ZNF25: variants seen among roughly 807,000 people sequenced by gnomAD.
The protein encoded by ZNF25 is zinc finger protein 25 (KOX 19).
Under a neutral mutation model 30.9 loss-of-function variants are expected in ZNF25, and 21 were observed. The observed-to-expected ratio is 0.68, with a 90% CI of 0.48 to 0.98. ZNF25 has a LOEUF of 0.98. Ranked by LOEUF, ZNF25 falls within the 50% of genes least tolerant of loss-of-function variation. The pLI is 0.00. For synonymous variants in ZNF25, 169 were observed against 181.3 expected (o/e 0.93, Z 0.55); for missense variants, 501 against 529.9 (o/e 0.95, Z 0.54).
At chr10:37,972,121 G>C (rs2063524268) in intron 1 of ZNF25, among the ~76,000 whole-genome samples, 2 of 152,238 alleles carry the variant, frequency 1.3e-5, no homozygotes, top group South Asian at 4.2e-4. Context: ...GCTGACACTA[G>C]AAATGATGTT....
chr10:37,971,579 A>G (rs2063489523), intron 2 of ZNF25, 129 bp downstream of exon 2: 3 of 1,475,326 alleles, frequency 2.0e-6, no homozygotes, highest in Non-Finnish European at 2.8e-6. Context: ...ATTTTTAACT[A>G]TTTCTACGTT....
rs2062248051 is a variant in ZNF25, at chr10:37,952,839, T to C, written c.659A>G (p.His220Arg). 2 of 1,614,190 alleles carry C rather than the reference T, an allele frequency of 1.2e-6. No individual in the cohort carries two copies. Among genetic ancestry groups the C allele is most frequent in the Non-Finnish European group, 1.7e-6 (2 of 1,180,012 alleles). The change falls in exon 6 of 6, where the codon CAT (histidine) becomes CGT (arginine). Residue 220 changes from histidine to arginine, a missense_variant. By Grantham distance (29) the His-to-Arg change is conservative. Coordinates refer to ENST00000302609, the MANE Select transcript of ZNF25 (RefSeq NM_145011.4). Reference sequence around the variant, plus strand: ...TTTCTCCCCTGTGTGTGTTTTCTGATGTTCTGTGAGATGTGGTTTCTGGTA... The same window carrying C: ...TTTCTCCCCTGTGTGTGTTTTCTGACGTTCTGTGAGATGTGGTTTCTGGTA... ...SFYQKPHLTE[H>R]QKTHTGEKPF...
chr10:37,973,596 C>CA (rs143239470), intron 1 of ZNF25, among the ~76,000 whole-genome samples: 68,948 of 129,858 alleles, frequency 0.53, 17,621 homozygotes, highest in East Asian at 0.6. Flanking sequence ...GCCCTTGTCT[C>CA]AAAAAAAAAA....
chr10:37,950,098 C>G lies in ZNF25; in HGVS notation c.*2029G>C, dbSNP rs145158076. ...CTGAAACATGAAATACTTATAAAAG[C>G]GTAACTCTACATTGCTTTTATTTTC... is the stretch of plus-strand genomic sequence containing the variant. On this transcript the variant is annotated 3_prime_UTR_variant, in exon 6 of 6. Transcript: ENST00000302609. The G allele has an allele frequency of 2.6e-5, 4 of 152,520 alleles. No individual in the cohort carries two copies. Among genetic ancestry groups the G allele is most frequent in the Non-Finnish European group, 4.4e-5 (3 of 68,034 alleles). 9.4% of individuals were successfully genotyped at this position (152,520 alleles called of 1,614,324 possible). A position where few individuals can be genotyped will look rare whatever the true frequency, so the allele number is the denominator to read the frequency against.
intron 2 of ZNF25, among the ~76,000 whole-genome samples, chr10:37,965,334 A>G (rs2063123051): frequency 1.3e-5 from 2 of 152,138 alleles, no homozygotes. Context: ...TGCCCTCCAT[A>G]CTTTGGAATG....
chr10:37,964,576 G>T (rs1481914869), intron 2 of ZNF25, among the ~76,000 whole-genome samples: 1 of 152,192 alleles, frequency 6.6e-6, no homozygotes, highest in African/African-American at 2.4e-5. Context: ...TAAGACTGAT[G>T]ACCTAGGGTA....
chr10:37,957,047 C>T lies in ZNF25; in HGVS notation c.211G>A (p.Val71Ile), dbSNP rs757164684. 29 of 1,613,706 alleles carry T rather than the reference C, an allele frequency of 1.8e-5. No homozygotes were observed. The highest frequency in any genetic ancestry group is 2.7e-5 in the African/African-American group (2 of 74,878). The change falls in exon 4 of 6, where the codon GTA (valine) becomes ATA (isoleucine). Residue 71 changes from valine (V) to isoleucine (I), a missense_variant. Transcript: ENST00000302609. ...GGGAAGCCCCGATGTGGAAATTCTACTTCTAATATCCATGGCTCTTTTCCT... is the reference window on the plus strand; with the variant it reads ...GGGAAGCCCCGATGTGGAAATTCTATTTCTAATATCCATGGCTCTTTTCCT... ...KQGKEPWILEVEFPHRGFPED... is the reference protein window; with the variant it reads ...KQGKEPWILEIEFPHRGFPED...
intron 2 of ZNF25, among the ~76,000 whole-genome samples, chr10:37,968,665 C>T (rs1272765922): frequency 6.6e-6 from 1 of 152,070 alleles, no homozygotes; most frequent in Non-Finnish European, 1.5e-5. Flanking sequence ...ATAAAATGTT[C>T]TTATAATTCA....
At chr10:37,957,320 T>A (rs779849095) in intron 3 of ZNF25, 100 bp downstream of exon 3, 170 of 1,435,538 alleles carry the variant, frequency 1.2e-4, no homozygotes, top group Non-Finnish European at 1.6e-4. Context: ...GAATCATAGA[T>A]AATGTCAATC....
chr10:37,957,306 C>A (rs2062594163), intron 3 of ZNF25, 114 bp downstream of exon 3: 2 of 1,404,214 alleles, frequency 1.4e-6, no homozygotes, highest in South Asian at 1.4e-5. Context: ...TAACTTCGAC[C>A]TCTGAATCAT....
chr10:37,954,429 A>T (rs1352053730), intron 4 of ZNF25, among the ~76,000 whole-genome samples: 1 of 152,136 alleles, frequency 6.6e-6, no homozygotes, highest in Non-Finnish European at 1.5e-5. Context: ...GGACAGGAAG[A>T]CAGAGGACCA....
chr10:37,953,772 A>C lies in ZNF25; in HGVS notation c.239-14T>G, dbSNP rs2062341082. 3.1e-6 allele frequency: 5 copies of C among 1,608,310 alleles called. No homozygotes were observed. The highest frequency in any genetic ancestry group is 4.3e-6 in the Non-Finnish European group (5 of 1,174,926). ...TCCATAGGTCTTCTACAAGGGAACC[A>C]AAAATGTAATACTTTATAAATACTA... On this transcript the variant is annotated splice_polypyrimidine_tract_variant and intron_variant, in intron 4 of 5. Transcript: ENST00000302609.
intron 4 of ZNF25, among the ~76,000 whole-genome samples, chr10:37,954,513 T>C (rs914392680): frequency 1.4e-4 from 22 of 152,180 alleles, no homozygotes; most frequent in African/African-American, 5.3e-4. Flanking sequence ...TTCCTAGTTG[T>C]ACCACCAGAG....
At chr10:37,961,278 G>A (rs766362) in intron 2 of ZNF25, among the ~76,000 whole-genome samples, 1 of 151,944 alleles carries the variant, frequency 6.6e-6, no homozygotes. Context: ...TTTTTTTAAA[G>A]CAACACTTCT....
intron 2 of ZNF25, among the ~76,000 whole-genome samples, chr10:37,958,445 A>G (rs1197896658): frequency 1.3e-5 from 2 of 152,206 alleles, no homozygotes; most frequent in African/African-American, 4.8e-5. Context: ...GTAGGTATGT[A>G]CTTACGGTAA....
Position 37,950,933 on chromosome 10 carries a change from G to A in ZNF25, c.*1194C>T, listed in dbSNP as rs2062108693. ...CTCCCTGCTCACACATCAACAGTAA[G>A]ATACATAATATTTCTTACATTGCAC... On this transcript the variant is annotated 3_prime_UTR_variant, in exon 6 of 6. Transcript: ENST00000302609. 1 of 152,138 alleles carries A rather than the reference G, an allele frequency of 6.6e-6. No individual in the cohort carries two copies. Among genetic ancestry groups the A allele is most frequent in the East Asian group, 1.9e-4 (1 of 5,180 alleles). The allele number at this position is 152,138 out of a possible 1,614,324, so 9.4% of individuals were successfully genotyped here.
Position 37,976,611 on chromosome 10 carries a change from C to G in ZNF25, c.-191G>C, listed in dbSNP as rs892740456. 3.3e-5 allele frequency: 5 copies of G among 152,434 alleles called. No individual in the cohort carries two copies. Among genetic ancestry groups the G allele is most frequent in the African/African-American group, 1.2e-4 (5 of 41,470 alleles). The allele number at this position is 152,434 out of a possible 1,614,324, so 9.4% of individuals were successfully genotyped here. On this transcript the variant is annotated 5_prime_UTR_variant, in exon 1 of 6. Coordinates refer to ENST00000302609, the MANE Select transcript of ZNF25 (RefSeq NM_145011.4). ...CCGGAGTCCTCTCCCCACCCTAGGG[C>G]GTAAGACCAAAAAAACGCCAATGCC...
chr10:37,962,346 T>G (rs1462238275), intron 2 of ZNF25, among the ~76,000 whole-genome samples: 1 of 152,010 alleles, frequency 6.6e-6, no homozygotes, highest in African/African-American at 2.4e-5. Flanking sequence ...ACAGAAGAAG[T>G]GAGAAGGAAA....
At chr10:37,960,104 G>T (rs549378022) in intron 2 of ZNF25, among the ~76,000 whole-genome samples, 37 of 152,120 alleles carry the variant, frequency 2.4e-4, no homozygotes, top group African/African-American at 7.0e-4. Flanking sequence ...TAACATTATT[G>T]TGTGGCAACC....
Sources: gnomAD v4.1 joint callset for allele counts (sites outside exome capture counted in the v4.1 genomes callset) on GRCh38, gnomAD v4.1.1 for gene constraint, MANE v1.5 for transcripts, NCBI Gene and HGNC (gene_info 2026-07-23, HGNC 2026-07-21) for gene names.